The following PREX2 variants were observed in gnomAD, a reference collection of about 807,000 sequenced individuals.
PREX2 encodes phosphatidylinositol 3,4,5-trisphosphate-dependent Rac exchanger 2 protein.
A neutral mutation model predicts 203.2 loss-of-function variants in PREX2; 107 were observed. The ratio of observed to expected loss-of-function variants is 0.53; its 90% CI spans 0.45 to 0.62. The LOEUF (loss-of-function observed/expected upper bound fraction) is 0.62. Ranked by LOEUF, PREX2 falls within the 20% of genes least tolerant of loss-of-function variation. The probability of loss-of-function intolerance (pLI) is 0.00; values close to 1 mark genes in which losing one functional copy is unlikely to be tolerated. For missense variants in PREX2, 1,777 were observed against 1,955.9 expected (o/e 0.91, Z 1.72); for synonymous variants, 672 against 663.6 (o/e 1.01, Z -0.19).
chr8:68,198,945 T>G (rs548073859), intron 37 of PREX2, among the ~76,000 whole-genome samples: 1 of 152,248 alleles, frequency 6.6e-6, no homozygotes, highest in Non-Finnish European at 1.5e-5. Flanking sequence ...ATGCTCTGAA[T>G]AGTGTGTGAT....
At chr8:68,133,458 A>G (rs893260951) in intron 31 of PREX2, among the ~76,000 whole-genome samples, 1 of 152,240 alleles carries the variant, frequency 6.6e-6, no homozygotes, top group African/African-American at 2.4e-5. Context: ...TGAAAGAATT[A>G]TAGGAATTCA....
At chr8:68,169,901 A>C (rs1330133761) in intron 35 of PREX2, among the ~76,000 whole-genome samples, 1 of 152,210 alleles carries the variant, frequency 6.6e-6, no homozygotes, top group East Asian at 1.9e-4. Context: ...GAAAATGAAC[A>C]AGTAAACAAG....
chr8:68,011,910 AGAT>A (rs373312896), intron 1 of PREX2, among the ~76,000 whole-genome samples: 4 of 152,310 alleles, frequency 2.6e-5, no homozygotes, highest in African/African-American at 9.6e-5. Flanking sequence ...ACTTAAGAAA[AGAT>A]GGCATTTATT....
Position 68,108,310 on chromosome 8 carries a change from G to A in PREX2, c.2917G>A (p.Glu973Lys), listed in dbSNP as rs1162684255. 5 of 1,613,536 alleles carry A rather than the reference G, an allele frequency of 3.1e-6. No homozygotes were observed. The highest frequency in any genetic ancestry group is 4.5e-5 in the East Asian group (2 of 44,858). The change falls in exon 24 of 40, where the codon GAA becomes AAA. Residue 973 changes from glutamate (E) to lysine (K), a missense_variant. Transcript: ENST00000288368. ...CAGGAAGCATAATTCTCATGATAAA[G>A]AAAACAAATCTTCGGAGCAAGGTAT... ...DSRKHNSHDK[E>K]NKSSEQGKLS...
intron 37 of PREX2, among the ~76,000 whole-genome samples, chr8:68,209,348 C>A (rs1812702770): frequency 6.6e-6 from 1 of 152,016 alleles, no homozygotes; most frequent in South Asian, 2.1e-4. Flanking sequence ...AGATAATGAC[C>A]TGGCTTTTAA....
At chr8:67,976,715 GAC>G (rs201293399) in intron 1 of PREX2, among the ~76,000 whole-genome samples, 7 of 85,820 alleles carry the variant, frequency 8.2e-5, no homozygotes, top group Non-Finnish European at 1.3e-4. Flanking sequence ...ACGGGAGAGA[GAC>G]AGAGAGAGAG....
chr8:68,015,746 G>T (rs904674015), intron 1 of PREX2, among the ~76,000 whole-genome samples: 6 of 152,162 alleles, frequency 3.9e-5, no homozygotes, highest in African/African-American at 7.2e-5. Flanking sequence ...CGATGAGTAT[G>T]TGGAAAATAT....
At chr8:68,136,059 CCT>C (rs2129613446) in intron 32 of PREX2, among the ~76,000 whole-genome samples, 1 of 152,158 alleles carries the variant, frequency 6.6e-6, no homozygotes, top group South Asian at 2.1e-4. Context: ...CTAGTGGTTG[CCT>C]ACAGCTGATG....
chr8:68,072,722 C>G (rs1244891606), intron 14 of PREX2, 152 bp downstream of exon 14: 9 of 493,984 alleles, frequency 1.8e-5, no homozygotes, highest in Non-Finnish European at 3.3e-5. Flanking sequence ...GGATTTGAAC[C>G]TAGATGATCA....
intron 5 of PREX2, 95 bp from the exon 6 acceptor site, chr8:68,030,402 A>T (rs561868476): frequency 8.4e-7 from 1 of 1,189,628 alleles, no homozygotes; most frequent in African/African-American, 1.5e-5. Context: ...AGTGGCTCTC[A>T]TGATCTTTGC....
intron 22 of PREX2, 126 bp downstream of exon 22, chr8:68,097,327 T>C (rs75354796): frequency 3.8e-6 from 1 of 260,402 alleles, no homozygotes; most frequent in Non-Finnish European, 5.7e-6. Context: ...TTCAAACTTC[T>C]TTTTTTTTTT....
At chr8:67,987,109 C>T (rs942279153) in intron 1 of PREX2, among the ~76,000 whole-genome samples, 12 of 138,140 alleles carry the variant, frequency 8.7e-5, no homozygotes, top group African/African-American at 2.2e-4. Flanking sequence ...GCAGAGATCA[C>T]GCCACTGCAC....
intron 23 of PREX2, chr8:68,103,815 T>G: frequency 2.1e-6 from 1 of 476,292 alleles, no homozygotes; most frequent in South Asian, 1.6e-5. Context: ...TGGTATCCTA[T>G]GCTGACTCCG....
At chr8:68,087,841 TC>T in intron 19 of PREX2, 32 bp downstream of exon 19, 1 of 1,465,506 alleles carries the variant, frequency 6.8e-7, no homozygotes, top group Non-Finnish European at 9.6e-7. Flanking sequence ...GAAACAGCTT[TC>T]CAGCAGGTTT....
At chr8:68,104,137 A>G (rs1040932839) in intron 23 of PREX2, among the ~76,000 whole-genome samples, 1 of 151,910 alleles carries the variant, frequency 6.6e-6, no homozygotes, top group African/African-American at 2.4e-5. Context: ...CTCTCACACC[A>G]TTCTTGTGGC....
At chr8:68,080,934 C>A in intron 17 of PREX2, 96 bp downstream of exon 17, 1 of 761,724 alleles carries the variant, frequency 1.3e-6, no homozygotes, top group Non-Finnish European at 2.3e-6. Context: ...AGATAATCAG[C>A]CTTGAAATTA....
chr8:68,231,158 T>C (rs1813158651), intron 39 of PREX2, among the ~76,000 whole-genome samples, 175 bp from the exon 40 acceptor site: 1 of 152,154 alleles, frequency 6.6e-6, no homozygotes, highest in African/African-American at 2.4e-5. Context: ...TTCTAAATCA[T>C]AGAATCTAAT....
At chr8:68,093,275 A>G (rs1465151602) in intron 20 of PREX2, among the ~76,000 whole-genome samples, 1 of 151,486 alleles carries the variant, frequency 6.6e-6, no homozygotes, top group African/African-American at 2.4e-5. Context: ...CTGTAATGCC[A>G]GCTACTCAGT....
chr8:67,958,166 G>A (rs916777008), intron 1 of PREX2, among the ~76,000 whole-genome samples: 1 of 152,192 alleles, frequency 6.6e-6, no homozygotes, highest in Non-Finnish European at 1.5e-5. Flanking sequence ...ATGGCAGCCT[G>A]TGCAGACAAA....
Sources: allele counts gnomAD v4.1 joint callset (sites outside exome capture counted in the v4.1 genomes callset), GRCh38; gene constraint gnomAD v4.1.1; transcripts MANE v1.5; gene names NCBI Gene and HGNC (gene_info 2026-07-23, HGNC 2026-07-21).